The following LRRTM4 variants were observed in gnomAD, a reference collection of about 807,000 sequenced individuals.
LRRTM4 encodes leucine-rich repeat transmembrane neuronal protein 4.
Under a neutral mutation model 47.6 loss-of-function variants are expected in LRRTM4, and 25 were observed. The observed-to-expected ratio is 0.53, with a 90% CI of 0.38 to 0.73. The LOEUF is 0.73. Ranked by LOEUF, LRRTM4 falls within the 30% of genes least tolerant of loss-of-function variation. The pLI, the probability that LRRTM4 is intolerant of heterozygous loss-of-function variation, is 0.00. For synonymous variants in LRRTM4, 311 were observed against 269.5 expected (o/e 1.15, Z -1.51); for missense variants, 638 against 713.4 (o/e 0.89, Z 1.20).
intron 3 of LRRTM4, among the ~76,000 whole-genome samples, chr2:77,147,900 T>C (rs1310045884): frequency 6.6e-6 from 1 of 152,242 alleles, no homozygotes; most frequent in Admixed American, 6.5e-5. Flanking sequence ...GTCTTATTTT[T>C]TAAGCATTGA....
intron 3 of LRRTM4, among the ~76,000 whole-genome samples, chr2:76,894,556 T>G (rs143214468): frequency 1.3e-5 from 2 of 152,204 alleles, no homozygotes; most frequent in African/African-American, 4.8e-5. Flanking sequence ...ATGATTCTTT[T>G]AATCACATGG....
chr2:77,521,903 G>C (rs1679527835), intron 1 of LRRTM4, 85 bp from the exon 2 acceptor site: 1 of 466,134 alleles, frequency 2.1e-6, no homozygotes, highest in South Asian at 4.2e-5. Flanking sequence ...AATCAGCACA[G>C]GGTGGGATGG....
chr2:77,047,035 T>C (rs1367127036), intron 3 of LRRTM4, among the ~76,000 whole-genome samples: 1 of 152,084 alleles, frequency 6.6e-6, no homozygotes, highest in African/African-American at 2.4e-5. Flanking sequence ...TTGGTAGTTA[T>C]AATGCATTTA....
intron 3 of LRRTM4, among the ~76,000 whole-genome samples, chr2:76,898,708 T>C (rs900542372): frequency 4.0e-5 from 6 of 151,556 alleles, no homozygotes; most frequent in East Asian, 3.9e-4. Context: ...TTAAATTTTA[T>C]GGAAAATATC....
At chr2:77,014,118 T>G (rs573120548) in intron 3 of LRRTM4, among the ~76,000 whole-genome samples, 2 of 152,244 alleles carry the variant, frequency 1.3e-5, no homozygotes, top group Middle Eastern at 3.4e-3. Flanking sequence ...GCACAGTTTT[T>G]TGTTTGATCC....
intron 3 of LRRTM4, among the ~76,000 whole-genome samples, chr2:76,911,488 A>T (rs868860400): frequency 3.3e-5 from 5 of 152,212 alleles, no homozygotes; most frequent in African/African-American, 4.8e-5. Flanking sequence ...AAAAATTTTA[A>T]ATCCAGTATA....
intron 3 of LRRTM4, among the ~76,000 whole-genome samples, chr2:76,838,335 C>A (rs1391708083): frequency 1.3e-5 from 2 of 151,952 alleles, no homozygotes; most frequent in East Asian, 3.9e-4. Flanking sequence ...TTTCCTACTT[C>A]TAAAACTATA....
chr2:76,810,271 A>G (rs1031029647), intron 3 of LRRTM4, among the ~76,000 whole-genome samples: 2 of 152,206 alleles, frequency 1.3e-5, no homozygotes, highest in African/African-American at 4.8e-5. Flanking sequence ...TCTTAAGGGT[A>G]AATTCTAAAA....
intron 3 of LRRTM4, among the ~76,000 whole-genome samples, chr2:76,880,185 T>A (rs1672890184): frequency 6.6e-6 from 1 of 152,208 alleles, no homozygotes; most frequent in Non-Finnish European, 1.5e-5. Flanking sequence ...AATTCTACTG[T>A]GGGTGAAATG....
intron 3 of LRRTM4, among the ~76,000 whole-genome samples, chr2:76,856,169 C>T (rs949167435): frequency 2.0e-5 from 3 of 151,930 alleles, no homozygotes; most frequent in African/African-American, 7.2e-5. Flanking sequence ...CCCAGCTACT[C>T]GGGAGGCTGA....
chr2:76,819,028 A>G (rs185153749), intron 3 of LRRTM4, among the ~76,000 whole-genome samples: 2 of 151,944 alleles, frequency 1.3e-5, no homozygotes, highest in East Asian at 3.9e-4. Context: ...GAGCAGAACA[A>G]TTATTGAAAT....
rs531809528 is a variant in LRRTM4 at position 77,441,143 on chromosome 2, G to A, written c.1551+77175C>T. 1.7e-4 allele frequency among the ~76,000 whole-genome samples: 26 copies of A among 152,278 alleles called. No individual in the cohort carries two copies. In the East Asian group the frequency reaches 4.8e-3, roughly 28 times the overall value. On this transcript the variant is annotated intron_variant, in intron 3 of 3. Transcript: ENST00000409884. ...CATTCCTATCACACCATGAATTGAA[G>A]ATGATCTGGTATAATTTCTTCAAAC...
intron 3 of LRRTM4, among the ~76,000 whole-genome samples, chr2:76,872,256 C>G (rs1377331867): frequency 6.6e-6 from 1 of 152,036 alleles, no homozygotes; most frequent in Non-Finnish European, 1.5e-5. Flanking sequence ...AAATCAGAAT[C>G]ATGAAATCCA....
In LRRTM4 at chr2:77,002,014, CTTGA is replaced by C. The variant is rs1303993303; in HGVS notation, c.1552-253102_1552-253099del. 1.2e-4 allele frequency among the ~76,000 whole-genome samples: 19 copies of C among 152,182 alleles called. No homozygotes were observed. In the East Asian group the frequency reaches 3.1e-3, roughly 25 times the overall value. On this transcript the variant is annotated intron_variant, in intron 3 of 3. Transcript: ENST00000409884. ...TCAATAAAAGCTTATGTTAATAGGG[CTTGA>C]TTGATTTTCTTCCACACAATTTATA... is the stretch of plus-strand genomic sequence containing the variant.
intron 3 of LRRTM4, among the ~76,000 whole-genome samples, chr2:76,800,051 C>G (rs1343347912): frequency 1.3e-5 from 2 of 151,826 alleles, no homozygotes; most frequent in Non-Finnish European, 2.9e-5. Context: ...AGATTCAATG[C>G]CATCCCCCTC....
chr2:76,924,908 CT>C (rs1256934222), intron 3 of LRRTM4, among the ~76,000 whole-genome samples: 1 of 152,092 alleles, frequency 6.6e-6, no homozygotes, highest in Non-Finnish European at 1.5e-5. Context: ...TTCACGGTAA[CT>C]TTAAAGCCGG....
chr2:76,850,161 A>G (rs1671950890), intron 3 of LRRTM4, among the ~76,000 whole-genome samples: 1 of 152,080 alleles, frequency 6.6e-6, no homozygotes, highest in South Asian at 2.1e-4. Flanking sequence ...ACTTTCTCCA[A>G]ACTAGATTTT....
At chr2:76,795,245 A>G (rs1307952186) in intron 3 of LRRTM4, among the ~76,000 whole-genome samples, 1 of 143,504 alleles carries the variant, frequency 7.0e-6, no homozygotes, top group Non-Finnish European at 1.5e-5. Context: ...TTTGTACTTT[A>G]AAAATCATTT....
intron 3 of LRRTM4, among the ~76,000 whole-genome samples, chr2:76,899,285 A>G (rs1389170374): frequency 6.7e-6 from 1 of 149,772 alleles, no homozygotes; most frequent in African/African-American, 2.5e-5. Flanking sequence ...CTTAAATTCT[A>G]TTGGAGGGAG....
Sources: gnomAD v4.1 joint callset for allele counts (sites outside exome capture counted in the v4.1 genomes callset) on GRCh38, gnomAD v4.1.1 for gene constraint, MANE v1.5 for transcripts, NCBI Gene and HGNC (gene_info 2026-07-23, HGNC 2026-07-21) for gene names.